Variants in STX8 observed in about 807,000 individuals in gnomAD.
STX8 encodes the protein syntaxin-8.
In STX8, 23 loss-of-function variants were observed where a neutral mutation model predicts 37.5. The ratio of observed to expected loss-of-function variants is 0.61; its 90% CI spans 0.44 to 0.87. The LOEUF (loss-of-function observed/expected upper bound fraction) is 0.87. Ranked by LOEUF, STX8 falls within the 40% of genes least tolerant of loss-of-function variation. The pLI is 0.00. For synonymous variants in STX8, 115 were observed against 99.1 expected (o/e 1.16, Z -0.95); for missense variants, 313 against 284.7 (o/e 1.10, Z -0.71).
intron 6 of STX8, among the ~76,000 whole-genome samples, chr17:9,429,180 T>C (rs1913750917): frequency 6.6e-6 from 1 of 151,434 alleles, no homozygotes; most frequent in African/African-American, 2.4e-5. Context: ...ATTTAAACTG[T>C]ATAATTACAT....
chr17:9,381,143 G>A (rs543801204), intron 6 of STX8, among the ~76,000 whole-genome samples: 2 of 152,262 alleles, frequency 1.3e-5, no homozygotes, highest in South Asian at 4.1e-4. Flanking sequence ...AGTTTTGTGT[G>A]AGTACACTCC....
intron 4 of STX8, among the ~76,000 whole-genome samples, chr17:9,536,635 A>G (rs1203624575): frequency 6.6e-6 from 1 of 152,108 alleles, no homozygotes; most frequent in Non-Finnish European, 1.5e-5. Context: ...TCTGGTGTTC[A>G]TCACACTTCT....
intron 4 of STX8, among the ~76,000 whole-genome samples, chr17:9,527,290 A>C (rs1213538220): frequency 6.6e-6 from 1 of 151,486 alleles, no homozygotes; most frequent in Non-Finnish European, 1.5e-5. Context: ...CAAAATAAAA[A>C]TATATTAGCC....
At position 9,335,922 on chromosome 17, in the gene STX8, T is replaced by TG. The variant is rs149947196; in HGVS notation, c.643+42629dup. ...ACATAAAGCTCTATAGGAACATTTC[T>TG]GGGGGGTTATATGGCTATGTGTTTA... is the stretch of plus-strand genomic sequence containing the variant. On this transcript the variant is annotated intron_variant, in intron 7 of 7. Transcript: ENST00000306357. 7.5e-4 allele frequency among the ~76,000 whole-genome samples: 114 copies of TG among 152,170 alleles called. 2 individuals carry two copies. The East Asian group carries it at 0.019, about 25-fold the overall frequency.
intron 6 of STX8, among the ~76,000 whole-genome samples, chr17:9,414,470 A>G (rs1232530136): frequency 2.0e-5 from 3 of 152,218 alleles, no homozygotes; most frequent in East Asian, 1.9e-4. Flanking sequence ...CTGAATTCTT[A>G]TTCTCAATGT....
At chr17:9,401,046 T>A (rs188284348) in intron 6 of STX8, among the ~76,000 whole-genome samples, 1 of 152,230 alleles carries the variant, frequency 6.6e-6, no homozygotes, top group Non-Finnish European at 1.5e-5. Context: ...TCTTAGGATA[T>A]GTCAGCCTGA....
At chr17:9,564,866 T>A (rs1460981475) in intron 2 of STX8, among the ~76,000 whole-genome samples, 1 of 152,208 alleles carries the variant, frequency 6.6e-6, no homozygotes, top group Non-Finnish European at 1.5e-5. Context: ...TTAAAATTCA[T>A]ATGGAACCAA....
intron 7 of STX8, chr17:9,273,271 G>A (rs12952893): frequency 6.6e-6 from 1 of 152,230 alleles, no homozygotes; most frequent in Non-Finnish European, 1.5e-5. Flanking sequence ...AGCACTCCGA[G>A]TGCCTCGAAC....
chr17:9,334,906 T>A (rs1254044552), intron 7 of STX8, among the ~76,000 whole-genome samples: 1 of 152,168 alleles, frequency 6.6e-6, no homozygotes, highest in Non-Finnish European at 1.5e-5. Context: ...TATGTTCAGT[T>A]CTTTGTTCTC....
At chr17:9,398,262 G>A (rs368505706) in intron 6 of STX8, among the ~76,000 whole-genome samples, 21 of 152,202 alleles carry the variant, frequency 1.4e-4, no homozygotes, top group Non-Finnish European at 2.5e-4. Flanking sequence ...CACATTCACA[G>A]TATGTGACAT....
intron 2 of STX8, among the ~76,000 whole-genome samples, chr17:9,566,585 G>C (rs145100776): frequency 1.3e-5 from 2 of 152,098 alleles, no homozygotes; most frequent in South Asian, 2.1e-4. Flanking sequence ...TCAGGTGTTC[G>C]AGACAAGCCT....
chr17:9,370,257 G>T (rs966814446), intron 7 of STX8, among the ~76,000 whole-genome samples: 1 of 152,050 alleles, frequency 6.6e-6, no homozygotes, highest in African/African-American at 2.4e-5. Context: ...ATCATAGCTG[G>T]CATTTATAAA....
chr17:9,562,610 AAAAATAT>A (rs1322496124), intron 2 of STX8, among the ~76,000 whole-genome samples: 16 of 23,332 alleles, frequency 6.9e-4, no homozygotes, highest in South Asian at 5.4e-3. Context: ...AGAAAAAAAA[AAAAATAT>A]ATATATATAT....
At chr17:9,306,218 C>T (rs979335411) in intron 7 of STX8, among the ~76,000 whole-genome samples, 5 of 152,130 alleles carry the variant, frequency 3.3e-5, no homozygotes, top group Non-Finnish European at 5.9e-5. Flanking sequence ...GTGTAGTAGG[C>T]TATGTCATCT....
chr17:9,449,314 A>C lies in STX8; in HGVS notation c.541+42515T>G, dbSNP rs1904957296. Among the ~76,000 whole-genome samples, 3 of 152,254 alleles carry C rather than the reference A, an allele frequency of 2.0e-5. No homozygotes were observed. The South Asian group carries it at 6.2e-4, about 31-fold the overall frequency. Reference sequence around the variant, plus strand: ...GGTGGCTCACACCTATAATCCCAGCACTTTGGGAGGCCAAGGCGAGCGGAT... The same window carrying C: ...GGTGGCTCACACCTATAATCCCAGCCCTTTGGGAGGCCAAGGCGAGCGGAT... On this transcript the variant is annotated intron_variant, in intron 6 of 7. Transcript: ENST00000306357.
rs539195891 is a variant in STX8 at position 9,424,255 on chromosome 17, C to T, written c.542-45602G>A. Among the ~76,000 whole-genome samples, 27 of 152,192 alleles carry T rather than the reference C, an allele frequency of 1.8e-4. No individual in the cohort carries two copies. In the Middle Eastern group the frequency reaches 0.01, roughly 58 times the overall value. ...CCGGGCAGCCAGGCATTTTTGCATC[C>T]GCCCAGTGCTGGGAACTGACGCATT... On this transcript the variant is annotated intron_variant, in intron 6 of 7. Transcript: ENST00000306357.
intron 4 of STX8, among the ~76,000 whole-genome samples, chr17:9,512,545 C>T (rs534639263): frequency 6.6e-6 from 1 of 152,186 alleles, no homozygotes; most frequent in East Asian, 1.9e-4. Context: ...TCACTGCAAC[C>T]TGTGCCTCCC....
intron 6 of STX8, among the ~76,000 whole-genome samples, chr17:9,442,619 G>A (rs979653350): frequency 6.6e-6 from 1 of 152,154 alleles, no homozygotes; most frequent in African/African-American, 2.4e-5. Flanking sequence ...TGTTGGCCAG[G>A]CTGGTCTCAA....
intron 5 of STX8, among the ~76,000 whole-genome samples, chr17:9,498,195 G>T (rs1232307202): frequency 6.6e-6 from 1 of 152,108 alleles, no homozygotes; most frequent in Non-Finnish European, 1.5e-5. Flanking sequence ...TTCGAGACCA[G>T]CCTGGCCAAC....
Sources: gnomAD v4.1 joint callset for allele counts (sites outside exome capture counted in the v4.1 genomes callset) on GRCh38, gnomAD v4.1.1 for gene constraint, MANE v1.5 for transcripts, NCBI Gene and HGNC (gene_info 2026-07-23, HGNC 2026-07-21) for gene names.